The following CCDC171 variants were observed in gnomAD, a reference collection of about 807,000 sequenced individuals.
CCDC171 encodes the protein coiled-coil domain containing 171, also known as coiled-coil domain-containing protein 171.
CCDC171 carries 177 observed loss-of-function variants against 168.2 expected under a neutral mutation model. That is an observed-to-expected ratio of 1.05 (90% CI 0.93 to 1.19). The LOEUF (loss-of-function observed/expected upper bound fraction) is 1.19. CCDC171 is among the 50% of genes most tolerant of loss of function. CCDC171 has a pLI of 0.00. For missense variants in CCDC171, 1,991 were observed against 1,539.0 expected, an observed-to-expected ratio of 1.29 and a Z score of -4.91; for synonymous variants, 687 against 540.8, an observed-to-expected ratio of 1.27 and a Z score of -3.75.
At chr9:15,963,811 G>T (rs1410137437) in intron 25 of CCDC171, among the ~76,000 whole-genome samples, 1 of 152,170 alleles carries the variant, frequency 6.6e-6, no homozygotes, top group African/African-American at 2.4e-5. Flanking sequence ...TAGAGCCTCT[G>T]AATGTTACCT....
At chr9:15,655,182 A>T (rs988318003) in intron 7 of CCDC171, among the ~76,000 whole-genome samples, 6 of 149,162 alleles carry the variant, frequency 4.0e-5, no homozygotes, top group Admixed American at 1.3e-4. Context: ...TAAAGTATAA[A>T]AAAAAAAAAC....
chr9:15,895,524 C>T (rs1167482323), intron 24 of CCDC171, among the ~76,000 whole-genome samples: 9 of 152,094 alleles, frequency 5.9e-5, no homozygotes, highest in African/African-American at 2.2e-4. Flanking sequence ...TATATACTCA[C>T]ACCACCATAC....
At chr9:15,713,493 T>C (rs534375903) in intron 11 of CCDC171, among the ~76,000 whole-genome samples, 1 of 152,244 alleles carries the variant, frequency 6.6e-6, no homozygotes, top group South Asian at 2.1e-4. Flanking sequence ...GATGATAGAG[T>C]GCTCTTGTGT....
chr9:15,856,174 T>C (rs1433207436), intron 23 of CCDC171, among the ~76,000 whole-genome samples: 1 of 151,982 alleles, frequency 6.6e-6, no homozygotes, highest in Non-Finnish European at 1.5e-5. Flanking sequence ...TTTAATTTTA[T>C]TGTGGTAAGA....
intron 25 of CCDC171, among the ~76,000 whole-genome samples, chr9:15,966,162 G>T (rs1830766434): frequency 6.6e-6 from 1 of 152,166 alleles, no homozygotes; most frequent in Middle Eastern, 3.2e-3. Flanking sequence ...TGCTCATGAA[G>T]GAATGTAAAA....
chr9:15,605,725 AATTTAAAAGCAAG>A (rs2043181719), intron 6 of CCDC171, among the ~76,000 whole-genome samples: 2 of 151,946 alleles, frequency 1.3e-5, no homozygotes, highest in Non-Finnish European at 2.9e-5. Context: ...AATTTAGGGA[AATTTAAAAGCAAG>A]AAAGTAAGGG....
chr9:15,807,156 C>T (rs1309691515), intron 21 of CCDC171, among the ~76,000 whole-genome samples: 1 of 152,126 alleles, frequency 6.6e-6, no homozygotes, highest in Non-Finnish European at 1.5e-5. Context: ...ATTGCTTATG[C>T]CATTTTCTTC....
In CCDC171 at chr9:15,985,532, T is replaced by C. The variant is rs529571934; in HGVS notation, n.369-35057T>C. ...CATAATTTCCAAAAATGACCTATTG[T>C]TACACTACCTTACAGACAAGGAAAT... On this transcript the variant is annotated intron_variant and non_coding_transcript_variant, in intron 3 of 9. Coordinates refer to the CCDC171 transcript ENST00000486641. 2.0e-5 allele frequency among the ~76,000 whole-genome samples: 3 copies of C among 152,284 alleles called. No homozygotes were observed. In the East Asian group the frequency reaches 5.8e-4, roughly 29 times the overall value.
chr9:15,628,833 C>G (rs1308596218), intron 7 of CCDC171, among the ~76,000 whole-genome samples: 1 of 152,200 alleles, frequency 6.6e-6, no homozygotes, highest in African/African-American at 2.4e-5. Flanking sequence ...TGAGACAAAA[C>G]TTCCAGAGGA....
intron 25 of CCDC171, among the ~76,000 whole-genome samples, chr9:15,965,748 C>G (rs112415340): frequency 5.1e-4 from 77 of 152,270 alleles, no homozygotes; most frequent in African/African-American, 1.8e-3. Context: ...CCTAACAGCC[C>G]TATGAGGGAT....
chr9:15,807,644 C>T (rs2059140759), intron 21 of CCDC171, among the ~76,000 whole-genome samples: 1 of 149,894 alleles, frequency 6.7e-6, no homozygotes, highest in Non-Finnish European at 1.5e-5. Context: ...TGCTCAATTG[C>T]CTTACCTTAT....
At chr9:15,657,781 A>G in intron 8 of CCDC171, among the ~76,000 whole-genome samples, 1 of 152,196 alleles carries the variant, frequency 6.6e-6, no homozygotes, top group East Asian at 1.9e-4. Flanking sequence ...GGAATATAAT[A>G]AAGAAAAGGA....
rs543791424 is a variant in CCDC171, at chr9:15,925,052, G to C, written c.3753+4630G>C. ...TCTGCTTTTTGGTGGGCACAGTTCT[G>C]TTCTTGGAGATATCATACGAACCAA... On this transcript the variant is annotated intron_variant, in intron 25 of 25. Transcript: ENST00000380701. Among the ~76,000 whole-genome samples, 33 of 151,520 alleles carry C rather than the reference G, an allele frequency of 2.2e-4. No homozygotes were observed. In the South Asian group the frequency reaches 6.9e-3, roughly 32 times the overall value.
chr9:15,617,684 G>C (rs973815458), intron 6 of CCDC171, among the ~76,000 whole-genome samples: 3 of 152,032 alleles, frequency 2.0e-5, no homozygotes, highest in Admixed American at 1.3e-4. Context: ...CCTGTGGGGG[G>C]GGTTCTTGAT....
intron 11 of CCDC171, among the ~76,000 whole-genome samples, chr9:15,714,437 T>G (rs2052920780): frequency 6.6e-6 from 1 of 152,194 alleles, no homozygotes; most frequent in Non-Finnish European, 1.5e-5. Context: ...CTGGACCGAC[T>G]AGAGAGAGGC....
upstream of CCDC171, among the ~76,000 whole-genome samples, chr9:16,039,358 A>AT (rs1279095038): frequency 6.6e-6 from 1 of 152,004 alleles, no homozygotes; most frequent in Non-Finnish European, 1.5e-5. Context: ...CTTGGCTACG[A>AT]TTTTTTTCCT....
At chr9:16,084,274 AT>A in the CCDC171 span, among the ~76,000 whole-genome samples, 3 of 151,950 alleles carry the variant, frequency 2.0e-5, no homozygotes, top group Non-Finnish European at 2.9e-5. Flanking sequence ...GCTCCTGATC[AT>A]TTCTCTTTCT....
At chr9:15,763,638 G>A (rs754281066) in intron 18 of CCDC171, among the ~76,000 whole-genome samples, 9 of 152,160 alleles carry the variant, frequency 5.9e-5, no homozygotes, top group Non-Finnish European at 1.3e-4. Context: ...TTCTCCTTAG[G>A]TGAGGCCAAA....
At chr9:15,587,613 C>T (rs2041663240) in intron 4 of CCDC171, 1 of 456,296 alleles carries the variant, frequency 2.2e-6, no homozygotes, top group Non-Finnish European at 4.4e-6. Context: ...TTGGAGGTTT[C>T]CCAATAAATG....
Sources: gnomAD v4.1 joint callset for allele counts (sites outside exome capture counted in the v4.1 genomes callset) on GRCh38, gnomAD v4.1.1 for gene constraint, MANE v1.5 for transcripts, NCBI Gene and HGNC (gene_info 2026-07-23, HGNC 2026-07-21) for gene names.